Variants in CATSPERE observed in about 807,000 individuals in gnomAD.
CATSPERE encodes the protein catsper channel auxiliary subunit epsilon.
In CATSPERE, 93 loss-of-function variants were observed where a neutral mutation model predicts 114.1. The observed-to-expected ratio is 0.81, with a 90% CI of 0.69 to 0.97. The LOEUF is 0.97. Among genes scored for constraint, CATSPERE ranks in the 50% least tolerant of loss-of-function variants. CATSPERE has a pLI of 0.00. For missense variants in CATSPERE, 1,058 were observed against 1,131.6 expected (o/e 0.93, Z 0.93); for synonymous variants, 341 against 384.1 (o/e 0.89, Z 1.31).
chr1:244,503,504 A>G (rs1299792877), intron 7 of CATSPERE, among the ~76,000 whole-genome samples: 1 of 152,100 alleles, frequency 6.6e-6, no homozygotes, highest in Non-Finnish European at 1.5e-5. Context: ...CCTCTTATCA[A>G]TATATTCCCT....
intron 17 of CATSPERE, among the ~76,000 whole-genome samples, chr1:244,604,589 G>A (rs1669726268): frequency 6.6e-6 from 1 of 152,174 alleles, no homozygotes; most frequent in Non-Finnish European, 1.5e-5. Context: ...GGAGAAGGTG[G>A]GGCGACAGTC....
intron 8 of CATSPERE, among the ~76,000 whole-genome samples, chr1:244,546,307 G>A (rs1659743450): frequency 6.6e-6 from 1 of 152,192 alleles, no homozygotes; most frequent in Admixed American, 6.5e-5. Context: ...CACACCAGCT[G>A]ACCCACCTAG....
chr1:244,455,838 A>G (rs1282807570), intron 1 of CATSPERE, among the ~76,000 whole-genome samples: 1 of 151,934 alleles, frequency 6.6e-6, no homozygotes, highest in Non-Finnish European at 1.5e-5. Flanking sequence ...CCAAGAATTA[A>G]AAGCAGACAG....
In CATSPERE at chr1:244,552,407, A is replaced by T. The variant is rs1305457280; in HGVS notation, c.622A>T (p.Ile208Phe). 6.2e-7 allele frequency: 1 copy of T among 1,614,150 alleles called. No homozygotes were observed. The highest frequency in any genetic ancestry group is 8.5e-7 in the Non-Finnish European group (1 of 1,180,012). ...CCAAGTTACTTTTCAGGATTGCTTT[A>T]TTGCAGATTTTCTTATTCTGTTGAC... The part of the protein sequence containing the change: ...GNQVTFQDCF[I>F]ADFLILLTFP... The change falls in exon 9 of 22, where the codon ATT becomes TTT. Residue 208 changes from isoleucine to phenylalanine, a missense_variant. Ile to Phe is a conservative substitution (Grantham distance 21, BLOSUM62 0). Coordinates refer to ENST00000366534, the MANE Select transcript of CATSPERE (RefSeq NM_001130957.2).
chr1:244,598,914 C>T (rs536842482), intron 17 of CATSPERE, among the ~76,000 whole-genome samples: 8 of 152,152 alleles, frequency 5.3e-5, no homozygotes, highest in South Asian at 2.1e-4. Flanking sequence ...ACAGCCTGAC[C>T]GTCTCCCCTT....
intron 8 of CATSPERE, among the ~76,000 whole-genome samples, chr1:244,541,708 G>A (rs12730608): frequency 0.99 from 141,126 of 143,164 alleles, 69,589 homozygotes; most frequent in Non-Finnish European, 1. Context: ...ACGTGCACAC[G>A]TATGTTTATT....
intron 11 of CATSPERE, among the ~76,000 whole-genome samples, chr1:244,577,623 G>A (rs1665486090): frequency 6.6e-6 from 1 of 152,194 alleles, no homozygotes. Context: ...GAAGGGGCAA[G>A]GCCACTCTCA....
intron 20 of CATSPERE, among the ~76,000 whole-genome samples, chr1:244,618,333 CAAAG>C (rs888224749): frequency 3.3e-5 from 5 of 152,164 alleles, no homozygotes; most frequent in South Asian, 2.1e-4. Context: ...AGGTAGAAAA[CAAAG>C]GAAGGAGACA....
chr1:244,546,301 C>G (rs908459678), intron 8 of CATSPERE, among the ~76,000 whole-genome samples: 2 of 152,170 alleles, frequency 1.3e-5, no homozygotes, highest in Admixed American at 6.5e-5. Flanking sequence ...GTGGGCCACA[C>G]CAGCTGACCC....
intron 3 of CATSPERE, 104 bp downstream of exon 3, chr1:244,477,718 T>G (rs934679779): frequency 9.9e-7 from 1 of 1,007,706 alleles, no homozygotes; most frequent in Non-Finnish European, 1.5e-6. Flanking sequence ...AAATTTTCTT[T>G]CATTAAGTAG....
rs533328965 is a variant in CATSPERE, at chr1:244,595,946, A to G, written c.2303+2368A>G. Among the ~76,000 whole-genome samples, 10 of 152,304 alleles carry G rather than the reference A, an allele frequency of 6.6e-5. No homozygotes were observed. The South Asian group carries it at 2.1e-3, about 32-fold the overall frequency. ...AGACTCCGTCTCAAAAAAGAAAAAA[A>G]AAAATTTGCTTTAGCTAGTTCTCTC... On this transcript the variant is annotated intron_variant, in intron 17 of 21. Transcript: ENST00000366534.
intron 20 of CATSPERE, among the ~76,000 whole-genome samples, chr1:244,625,917 T>C (rs1036101456): frequency 4.0e-5 from 6 of 151,856 alleles, no homozygotes; most frequent in Non-Finnish European, 8.8e-5. Flanking sequence ...AGGAATCTTT[T>C]TTTTTTTCTG....
At chr1:244,534,016 A>G (rs3005964) in intron 8 of CATSPERE, among the ~76,000 whole-genome samples, 132,533 of 152,108 alleles carry the variant, frequency 0.87, 58,672 homozygotes, top group East Asian at 1. Flanking sequence ...TTTGAAGGAT[A>G]CTTTCACCAG....
chr1:244,480,669 G>T (rs140910063), intron 5 of CATSPERE, among the ~76,000 whole-genome samples: 11 of 57,912 alleles, frequency 1.9e-4, no homozygotes, highest in African/African-American at 6.0e-4. Flanking sequence ...GGTCCACGTA[G>T]TCCCTTAAAG....
chr1:244,550,789 C>T (rs1386473917), intron 8 of CATSPERE, among the ~76,000 whole-genome samples: 1 of 152,158 alleles, frequency 6.6e-6, no homozygotes. Flanking sequence ...GTTATCATCA[C>T]CAACCCAAGT....
At chr1:244,451,724 C>A (rs1215581401), upstream of CATSPERE, 1 of 1,610,804 alleles carries the variant, frequency 6.2e-7, no homozygotes, top group Admixed American at 1.7e-5. This position sits in a 1 kb window ranked among gnomAD's most constrained non-coding sequence, Gnocchi z 6.6. Flanking sequence ...CCGAGCACCA[C>A]CGTCACCCGG....
rs575328851 is a variant in CATSPERE, at chr1:244,532,113, T to A, written c.536+13415T>A. On this transcript the variant is annotated intron_variant, in intron 8 of 21. Coordinates refer to ENST00000366534, the MANE Select transcript of CATSPERE (RefSeq NM_001130957.2). ...TTCTAGGATTTCCAATTTATTGGCA[T>A]ATAGTTGCTCATAGTAGCCTCTAAT... is the stretch of plus-strand genomic sequence containing the variant. Among the ~76,000 whole-genome samples, 4 of 152,286 alleles carry A rather than the reference T, an allele frequency of 2.6e-5. 1 individual carries two copies. The South Asian group carries it at 8.3e-4, about 32-fold the overall frequency.
intron 8 of CATSPERE, among the ~76,000 whole-genome samples, chr1:244,520,709 G>A (rs1413736366): frequency 2.6e-5 from 4 of 152,164 alleles, no homozygotes; most frequent in East Asian, 1.9e-4. Flanking sequence ...AAATTTGTCC[G>A]TACATATCCC....
intron 12 of CATSPERE, among the ~76,000 whole-genome samples, chr1:244,582,649 A>G (rs181650720): frequency 3.3e-3 from 495 of 152,034 alleles, no homozygotes; most frequent in African/African-American, 0.011. Flanking sequence ...TGATCCGCCC[A>G]CCTTGGCTCC....
Sources: gnomAD v4.1 joint callset for allele counts (sites outside exome capture counted in the v4.1 genomes callset) on GRCh38, gnomAD v4.1.1 for gene constraint, Gnocchi (gnomAD v3.1) non-coding constraint, MANE v1.5 for transcripts, NCBI Gene and HGNC (gene_info 2026-07-23, HGNC 2026-07-21) for gene names.